SH3GLB2: variants seen among roughly 807,000 people sequenced by gnomAD.
SH3GLB2 encodes the protein SH3 domain containing GRB2 like, endophilin B2, also known as endophilin-B2.
A neutral mutation model predicts 48.0 loss-of-function variants in SH3GLB2; 24 were observed. The observed-to-expected ratio is 0.50, with a 90% CI of 0.36 to 0.70. SH3GLB2 has a LOEUF of 0.70. Among genes scored for constraint, SH3GLB2 ranks in the 30% least tolerant of loss-of-function variants. The probability of loss-of-function intolerance (pLI) is 0.00; values close to 1 mark genes in which losing one functional copy is unlikely to be tolerated. For missense variants in SH3GLB2, 425 were observed against 516.0 expected, an observed-to-expected ratio of 0.82 and a Z score of 1.71; for synonymous variants, 227 against 207.6, an observed-to-expected ratio of 1.09 and a Z score of -0.80.
chr9:129,018,627 G>A (rs1843593141), intron 3 of SH3GLB2, among the ~76,000 whole-genome samples: 1 of 141,264 alleles, frequency 7.1e-6, no homozygotes, highest in African/African-American at 2.7e-5. Flanking sequence ...AGGCACAGTG[G>A]CTATGCCTGT....
intron 1 of SH3GLB2, among the ~76,000 whole-genome samples, chr9:129,023,622 C>T (rs1453164987): frequency 3.3e-5 from 5 of 152,244 alleles, no homozygotes; most frequent in African/African-American, 9.6e-5. Flanking sequence ...GGGGCAGGGC[C>T]ACGCAGGAGT....
intron 1 of SH3GLB2, among the ~76,000 whole-genome samples, chr9:129,025,817 AC>A: frequency 6.8e-6 from 1 of 146,224 alleles, no homozygotes; most frequent in East Asian, 2.0e-4. Context: ...GAGAAGTTCT[AC>A]CAGGCTTTCC....
rs1564571475 is a variant in SH3GLB2 at position 129,007,297 on chromosome 9, TTCCTTGGCCTGCGCTGGTCCTG to T, written c.*1365_*1386del. On this transcript the variant is annotated 3_prime_UTR_variant, in exon 11 of 11. Transcript: ENST00000372564. Reference sequence around the variant, plus strand: ...TGGGTGGGCGCTGTCAGATATTCCCTTCCTTGGCCTGCGCTGGTCCTGTCCTTGACCCTGCTTTCATTGGCCC... The same window carrying T: ...TGGGTGGGCGCTGTCAGATATTCCCTTCCTTGACCCTGCTTTCATTGGCCC... 1.3e-5 allele frequency: 2 copies of T among 151,304 alleles called. No individual in the cohort carries two copies. Among genetic ancestry groups the T allele is most frequent in the Middle Eastern group, 3.1e-3 (1 of 318 alleles). 9.4% of individuals were successfully genotyped at this position (151,304 alleles called of 1,614,324 possible). A position where few individuals can be genotyped will look rare whatever the true frequency, so the allele number is the denominator to read the frequency against.
chr9:129,008,603 A>G lies in SH3GLB2; in HGVS notation c.*81T>C. ...TCTCCCCACTCTGAACAACTGTGTC[A>G]CCAACAAACAAGTTAAGTGGCAGGG... On this transcript the variant is annotated 3_prime_UTR_variant, in exon 11 of 11. Coordinates refer to ENST00000372564, the MANE Select transcript of SH3GLB2 (RefSeq NM_020145.4). 9.3e-7 allele frequency: 1 copy of G among 1,070,224 alleles called. No homozygotes were observed. Among genetic ancestry groups the G allele is most frequent in the South Asian group, 1.3e-5 (1 of 75,312 alleles). The allele number at this position is 1,070,224 out of a possible 1,614,324, so 66.3% of individuals were successfully genotyped here. A position where few individuals can be genotyped will look rare whatever the true frequency, so the allele number is the denominator to read the frequency against.
chr9:129,021,958 CAAA>C (rs112400796), intron 2 of SH3GLB2, among the ~76,000 whole-genome samples: 3 of 53,372 alleles, frequency 5.6e-5, no homozygotes, highest in Non-Finnish European at 1.2e-4. Flanking sequence ...GACTCCACCT[CAAA>C]AAAAAAAAAA....
chr9:129,011,562 A>C lies in SH3GLB2; in HGVS notation c.624+674T>G, dbSNP rs559418861. The C allele has an allele frequency of 6.6e-6, 1 of 152,352 alleles. No individual in the cohort carries two copies. The highest frequency in any genetic ancestry group is 1.5e-5 in the Non-Finnish European group (1 of 68,152). 9.4% of individuals were successfully genotyped at this position (152,352 alleles called of 1,614,324 possible). A position where few individuals can be genotyped will look rare whatever the true frequency, so the allele number is the denominator to read the frequency against. ...ACAAGGTGTAGCAGTGGTGACAAGC[A>C]TGAGGGAGAGGTGTGGCCTAGTCCC... On this transcript the variant is annotated intron_variant, in intron 6 of 10. Coordinates refer to ENST00000372564, the MANE Select transcript of SH3GLB2 (RefSeq NM_020145.4). The surrounding 1 kb of genome is among the most constrained non-coding windows in gnomAD (Gnocchi z 4.5).
At chr9:129,026,647 C>T (rs7874044) in intron 1 of SH3GLB2, among the ~76,000 whole-genome samples, 80,568 of 151,984 alleles carry the variant, frequency 0.53, 21,803 homozygotes, top group African/African-American at 0.61. Context: ...TAGGCCCTGC[C>T]CTGCCTAGGT....
At position 129,007,451 on chromosome 9, in the gene SH3GLB2, C is replaced by T. The variant is rs1332597411; in HGVS notation, c.*1233G>A. 6.6e-6 allele frequency: 1 copy of T among 152,102 alleles called. No homozygotes were observed. The highest frequency in any genetic ancestry group is 1.5e-5 in the Non-Finnish European group (1 of 68,020). The allele number at this position is 152,102 out of a possible 1,614,324, so 9.4% of individuals were successfully genotyped here. A position where few individuals can be genotyped will look rare whatever the true frequency, so the allele number is the denominator to read the frequency against. Reference sequence around the variant, plus strand: ...CCGATCCCCTCTTCAGAAGCCCCAACAGTGGGGCCTACTGGCTGTTGGCCT... The same window carrying T: ...CCGATCCCCTCTTCAGAAGCCCCAATAGTGGGGCCTACTGGCTGTTGGCCT... On this transcript the variant is annotated 3_prime_UTR_variant, in exon 11 of 11. Transcript: ENST00000372564.
At chr9:129,016,930 T>C (rs1843463144) in intron 3 of SH3GLB2, among the ~76,000 whole-genome samples, 1 of 150,554 alleles carries the variant, frequency 6.6e-6, no homozygotes, top group South Asian at 2.1e-4. Context: ...CAGTAATAGT[T>C]GGAAACTTGA....
intron 8 of SH3GLB2, 108 bp downstream of exon 8, chr9:129,010,012 A>T: frequency 7.2e-7 from 1 of 1,383,388 alleles, no homozygotes; most frequent in Non-Finnish European, 1.0e-6. Flanking sequence ...CCCCGGTGGG[A>T]CTTGCTCTGT....
rs751596186 is a variant in SH3GLB2 at position 129,022,418 on chromosome 9, C to T, written c.69G>A (p.Thr23=). Residue 23 remains threonine (T), a synonymous_variant, in exon 2 of 11, where the codon ACG becomes ACA. Coordinates refer to ENST00000372564, the MANE Select transcript of SH3GLB2 (RefSeq NM_020145.4). ...TCTCAGCCTGGCCAAATTTCTCCTCCGTGAACTACGCAGAGGGGAAGGCCA... is the reference window on the plus strand; with the variant it reads ...TCTCAGCCTGGCCAAATTTCTCCTCTGTGAACTACGCAGAGGGGAAGGCCA... ...GIFFTRAVQF[T]EEKFGQAEKT... 13 of 1,608,248 alleles carry T rather than the reference C, an allele frequency of 8.1e-6. No individual in the cohort carries two copies. Among genetic ancestry groups the T allele is most frequent in the African/African-American group, 1.3e-5 (1 of 74,648 alleles).
At chr9:129,019,431 C>T (rs184089960) in intron 3 of SH3GLB2, among the ~76,000 whole-genome samples, 8 of 151,368 alleles carry the variant, frequency 5.3e-5, no homozygotes, top group East Asian at 3.9e-4. Context: ...TTTGGCTGGG[C>T]GCAGTTGCTC....
intron 9 of SH3GLB2, 46 bp from the exon 10 acceptor site, chr9:129,009,392 AC>A: frequency 6.5e-7 from 1 of 1,550,366 alleles, no homozygotes; most frequent in South Asian, 1.2e-5. Flanking sequence ...CCCAGAAGGG[AC>A]CCCAGAGGCA....
rs900509486 is a variant in SH3GLB2 at position 129,017,901 on chromosome 9, CAAAAAAA to C, written c.335-3004_335-2998del. 2.8e-4 allele frequency among the ~76,000 whole-genome samples: 18 copies of C among 64,788 alleles called. No individual in the cohort carries two copies. The East Asian group carries it at 2.8e-3, about 10-fold the overall frequency. 42.5% of individuals were successfully genotyped at this position (64,788 alleles called of 152,430 possible). A position where few individuals can be genotyped will look rare whatever the true frequency, so the allele number is the denominator to read the frequency against. ...CGACAGAGCGAGATTCCGTCTCAAA[CAAAAAAA>C]AAAAAAAAAAAAATTAGCTGGGTGT... On this transcript the variant is annotated intron_variant, in intron 3 of 10. Coordinates refer to ENST00000372564, the MANE Select transcript of SH3GLB2 (RefSeq NM_020145.4).
intron 1 of SH3GLB2, among the ~76,000 whole-genome samples, chr9:129,026,511 G>C (rs1849939442): frequency 6.6e-6 from 1 of 152,166 alleles, no homozygotes; most frequent in South Asian, 2.1e-4. Flanking sequence ...GTGCAGAGCA[G>C]AGAAAGCCTC....
In SH3GLB2 at chr9:129,009,659, C is replaced by A; in HGVS notation, c.839+112G>T. 6 of 1,362,006 alleles carry A rather than the reference C, an allele frequency of 4.4e-6. No individual in the cohort carries two copies. The South Asian group carries it at 5.3e-5, about 12-fold the overall frequency. The allele number at this position is 1,362,006 out of a possible 1,614,324, so 84.4% of individuals were successfully genotyped here. On this transcript the variant is annotated intron_variant, in intron 9 of 10. Coordinates refer to ENST00000372564, the MANE Select transcript of SH3GLB2 (RefSeq NM_020145.4). ...GCACCCAGAGTGGGTTCCAGCAGAG[C>A]CCTCCAACCCAGCTTTGTGTCACAG...
chr9:129,008,668 G>T lies in SH3GLB2; in HGVS notation c.*16C>A. 6.2e-7 allele frequency: 1 copy of T among 1,602,468 alleles called. No individual in the cohort carries two copies. The highest frequency in any genetic ancestry group is 8.6e-7 in the Non-Finnish European group (1 of 1,169,450). On this transcript the variant is annotated 3_prime_UTR_variant, in exon 11 of 11. Coordinates refer to ENST00000372564, the MANE Select transcript of SH3GLB2 (RefSeq NM_020145.4). The stretch of plus-strand genomic sequence containing the variant: ...TCCTGCCTAGGCCAGAATGCGGGGG[G>T]GATGGGGGCACCTGCCTAGCTGAGC...
Position 129,022,441 on chromosome 9 carries a change from C to G in SH3GLB2, c.64-18G>C. On this transcript the variant is annotated intron_variant, in intron 1 of 10. Transcript: ENST00000372564. ...TCCGTGAACTACGCAGAGGGGAAGG[C>G]CAAGGGGTGGGGAGGGGGAGAGCTC... is the stretch of plus-strand genomic sequence containing the variant. 1 of 1,611,542 alleles carries G rather than the reference C, an allele frequency of 6.2e-7. No individual in the cohort carries two copies. The highest frequency in any genetic ancestry group is 8.5e-7 in the Non-Finnish European group (1 of 1,178,714).
chr9:129,022,784 G>T (rs1374519762), intron 1 of SH3GLB2, among the ~76,000 whole-genome samples: 5 of 152,218 alleles, frequency 3.3e-5, no homozygotes, highest in Middle Eastern at 3.2e-3. Flanking sequence ...CTCTGAAGGA[G>T]AGGACTTGGT....
Sources: gnomAD v4.1 joint callset for allele counts (sites outside exome capture counted in the v4.1 genomes callset) on GRCh38, gnomAD v4.1.1 for gene constraint, Gnocchi (gnomAD v3.1) non-coding constraint, MANE v1.5 for transcripts, NCBI Gene and HGNC (gene_info 2026-07-23, HGNC 2026-07-21) for gene names.